CDH11: variants seen among roughly 807,000 people sequenced by gnomAD.
CDH11 encodes cadherin 11.
A neutral mutation model predicts 67.8 loss-of-function variants in CDH11; 11 were observed. The ratio of observed to expected loss-of-function variants is 0.16; its 90% CI spans 0.10 to 0.27. The LOEUF is 0.27. CDH11 is among the 10% of genes least tolerant of loss of function. The pLI is 1.00. For missense variants in CDH11, 847 were observed against 1,031.2 expected, an observed-to-expected ratio of 0.82 and a Z score of 2.45; for synonymous variants, 419 against 400.0, an observed-to-expected ratio of 1.05 and a Z score of -0.57.
intron 2 of CDH11, among the ~76,000 whole-genome samples, chr16:65,025,802 G>A (rs1368749409): frequency 1.3e-5 from 2 of 152,136 alleles, no homozygotes; most frequent in African/African-American, 4.8e-5. Flanking sequence ...CAGGTACATA[G>A]GCATCCTTGT....
intron 1 of CDH11, among the ~76,000 whole-genome samples, chr16:65,094,269 G>A (rs2074845077): frequency 6.6e-6 from 1 of 152,142 alleles, no homozygotes; most frequent in African/African-American, 2.4e-5. Flanking sequence ...AGCAACTGGA[G>A]AAACACCAAT....
chr16:64,946,222 G>A lies in CDH11; in HGVS notation c.*1381C>T. On this transcript the variant is annotated 3_prime_UTR_variant, in exon 13 of 13. Coordinates refer to ENST00000268603, the MANE Select transcript of CDH11 (RefSeq NM_001797.4). ...ATTTTACAATTAGTTAAAATTACAG[G>A]AGGAAAAATAAGCAGTTTCAACTAT... 9.5e-7 allele frequency: 1 copy of A among 1,049,958 alleles called. No individual in the cohort carries two copies. The highest frequency in any genetic ancestry group is 1.1e-6 in the Non-Finnish European group (1 of 869,670). The allele number at this position is 1,049,958 out of a possible 1,614,324, so 65.0% of individuals were successfully genotyped here. A position where few individuals can be genotyped will look rare whatever the true frequency, so the allele number is the denominator to read the frequency against.
chr16:65,006,419 G>A (rs2073055788), intron 2 of CDH11, among the ~76,000 whole-genome samples: 1 of 152,198 alleles, frequency 6.6e-6, no homozygotes, highest in African/African-American at 2.4e-5. Flanking sequence ...TCTTGGCATA[G>A]TGGAAGGTAC....
intron 1 of CDH11, among the ~76,000 whole-genome samples, chr16:65,120,264 C>T (rs1033249527): frequency 6.6e-6 from 1 of 152,150 alleles, no homozygotes; most frequent in African/African-American, 2.4e-5. Flanking sequence ...GGCAAATGTG[C>T]TCATGCGATG....
At chr16:65,045,017 G>T (rs2073930193) in intron 2 of CDH11, among the ~76,000 whole-genome samples, 1 of 151,918 alleles carries the variant, frequency 6.6e-6, no homozygotes, top group Admixed American at 6.6e-5. Context: ...CACACTGTGT[G>T]GGGGCTGGCA....
intron 12 of CDH11, among the ~76,000 whole-genome samples, chr16:64,949,177 C>A (rs143367689): frequency 1.3e-5 from 2 of 152,284 alleles, no homozygotes; most frequent in African/African-American, 4.8e-5. Context: ...GGACTACTGG[C>A]ACCTTTTTCA....
chr16:65,046,297 G>A (rs554423084), intron 2 of CDH11, among the ~76,000 whole-genome samples: 1 of 152,198 alleles, frequency 6.6e-6, no homozygotes, highest in Non-Finnish European at 1.5e-5. Flanking sequence ...GGACCACAGG[G>A]CCCGGAAGGC....
chr16:64,947,451 T>G lies in CDH11; in HGVS notation c.*152A>C. On this transcript the variant is annotated 3_prime_UTR_variant, in exon 13 of 13. Transcript: ENST00000268603. ...TTTCACAGTATTTACCACTTTGATG[T>G]CCTCGCAGTTTTATTAAATGTATCC... is the stretch of plus-strand genomic sequence containing the variant. 1 of 1,451,734 alleles carries G rather than the reference T, an allele frequency of 6.9e-7. No individual in the cohort carries two copies. The highest frequency in any genetic ancestry group is 9.1e-7 in the Non-Finnish European group (1 of 1,102,598). The allele number at this position is 1,451,734 out of a possible 1,614,324, so 89.9% of individuals were successfully genotyped here.
chr16:65,015,015 TTTATTA>T (rs71143548), intron 2 of CDH11, among the ~76,000 whole-genome samples: 275 of 135,832 alleles, frequency 2.0e-3, no homozygotes, highest in African/African-American at 3.1e-3. Flanking sequence ...GCCTGGCTAA[TTTATTA>T]TTATTATTAT....
intron 1 of CDH11, among the ~76,000 whole-genome samples, chr16:65,091,463 T>C (rs1436240251): frequency 2.0e-5 from 3 of 152,196 alleles, no homozygotes; most frequent in Non-Finnish European, 4.4e-5. Context: ...TCAATGTCCC[T>C]GAATCCCACA....
At chr16:65,000,171 A>G (rs2142515225) in intron 3 of CDH11, among the ~76,000 whole-genome samples, 1 of 152,306 alleles carries the variant, frequency 6.6e-6, no homozygotes, top group Non-Finnish European at 1.5e-5. Flanking sequence ...GGTCCAAGAA[A>G]TCAACTAGGT....
Position 64,982,312 on chromosome 16 carries a change from T to C in CDH11, c.1000-11A>G. On this transcript the variant is annotated splice_polypyrimidine_tract_variant and intron_variant, in intron 7 of 12. Transcript: ENST00000268603. The stretch of plus-strand genomic sequence containing the variant: ...TTCAAAATCTACAGGCTGGCAAGAA[T>C]GAAGAGAAGATTGACAACCAATTCC... 1 of 1,604,858 alleles carries C rather than the reference T, an allele frequency of 6.2e-7. No homozygotes were observed. Among genetic ancestry groups the C allele is most frequent in the Non-Finnish European group, 8.5e-7 (1 of 1,173,666 alleles).
At chr16:64,993,115 A>C (rs556708522) in intron 4 of CDH11, 81 bp from the exon 5 acceptor site, 1 of 1,237,868 alleles carries the variant, frequency 8.1e-7, no homozygotes, top group African/African-American at 1.5e-5. Context: ...TTATTCTAAA[A>C]TTAACCCTGA....
In CDH11 at chr16:65,015,092, G is replaced by A. The variant is rs146375753; in HGVS notation, c.-172-10051C>T. ...TCTCCATGTTGGTCAGGCTGCTCTC[G>A]AACTCTTAGCCTCAGGTCATCCACC... On this transcript the variant is annotated intron_variant, in intron 2 of 12. Coordinates refer to ENST00000268603, the MANE Select transcript of CDH11 (RefSeq NM_001797.4). Among the ~76,000 whole-genome samples the A allele has an allele frequency of 5.5e-3, 833 of 150,232 alleles. 9 individuals carry two copies. Among genetic ancestry groups the A allele is most frequent in the African/African-American group, 0.019 (768 of 40,968 alleles).
At chr16:65,046,055 C>T (rs915533053) in intron 2 of CDH11, among the ~76,000 whole-genome samples, 1 of 152,170 alleles carries the variant, frequency 6.6e-6, no homozygotes. Context: ...TGTTCGAAGT[C>T]CCTCTCACTT....
intron 1 of CDH11, among the ~76,000 whole-genome samples, chr16:65,116,755 T>TAG (rs71828602): frequency 6.7e-5 from 10 of 150,182 alleles, no homozygotes; most frequent in East Asian, 2.0e-4. Context: ...TTAATAAGGA[T>TAG]AGAGAGAGAG....
At chr16:65,076,041 G>C (rs1350794270) in intron 1 of CDH11, among the ~76,000 whole-genome samples, 1 of 152,168 alleles carries the variant, frequency 6.6e-6, no homozygotes, top group Non-Finnish European at 1.5e-5. Context: ...AGCTCTGCCT[G>C]TGGGAGGGGC....
chr16:64,947,149 A>G lies in CDH11; in HGVS notation c.*454T>C. Reference sequence around the variant, plus strand: ...TGGGTTTAAGCTGGCTGAATATTATATATTTCAAGTTTAAAAATGCACTAC... The same window carrying G: ...TGGGTTTAAGCTGGCTGAATATTATGTATTTCAAGTTTAAAAATGCACTAC... On this transcript the variant is annotated 3_prime_UTR_variant, in exon 13 of 13. Coordinates refer to ENST00000268603, the MANE Select transcript of CDH11 (RefSeq NM_001797.4). 9.6e-7 allele frequency: 1 copy of G among 1,046,582 alleles called. No individual in the cohort carries two copies. Among genetic ancestry groups the G allele is most frequent in the East Asian group, 5.7e-5 (1 of 17,404 alleles). 64.8% of individuals were successfully genotyped at this position (1,046,582 alleles called of 1,614,324 possible).
At chr16:65,084,323 G>A (rs570226984) in intron 1 of CDH11, among the ~76,000 whole-genome samples, 2 of 151,944 alleles carry the variant, frequency 1.3e-5, no homozygotes, top group Non-Finnish European at 2.9e-5. Context: ...GCACATGGGG[G>A]TACATGCCTG....
Sources: allele counts gnomAD v4.1 joint callset (sites outside exome capture counted in the v4.1 genomes callset), GRCh38; gene constraint gnomAD v4.1.1; transcripts MANE v1.5; gene names NCBI Gene and HGNC (gene_info 2026-07-23, HGNC 2026-07-21).